Variants in ATP6V1A observed in about 807,000 individuals in gnomAD.
The protein encoded by ATP6V1A is ATPase H+ transporting V1 subunit A, also known as V-type proton ATPase catalytic subunit A.
ATP6V1A carries 18 observed loss-of-function variants against 70.1 expected under a neutral mutation model. The observed-to-expected ratio is 0.26, with a 90% CI of 0.18 to 0.38. The LOEUF (loss-of-function observed/expected upper bound fraction) is 0.38. ATP6V1A is among the 10% of genes least tolerant of loss of function. ATP6V1A has a pLI of 1.00. For missense variants in ATP6V1A, 424 were observed against 772.4 expected, an observed-to-expected ratio of 0.55 and a Z score of 5.35; for synonymous variants, 232 against 253.8, an observed-to-expected ratio of 0.91 and a Z score of 0.82.
At chr3:113,798,716 A>T (rs1450269358) in intron 12 of ATP6V1A, among the ~76,000 whole-genome samples, 2 of 152,190 alleles carry the variant, frequency 1.3e-5, no homozygotes, top group African/African-American at 2.4e-5. Context: ...ATTTGTTAGC[A>T]TACATTTTTG....
intron 1 of ATP6V1A, among the ~76,000 whole-genome samples, chr3:113,763,130 A>G (rs13091621): frequency 0.36 from 55,231 of 151,844 alleles, 10,112 homozygotes; most frequent in African/African-American, 0.41. Context: ...TCGCTCTGTC[A>G]CCTAGGCTGT....
At chr3:113,772,818 GA>G (rs1192449442) in intron 1 of ATP6V1A, among the ~76,000 whole-genome samples, 1 of 151,312 alleles carries the variant, frequency 6.6e-6, no homozygotes, top group Non-Finnish European at 1.5e-5. Context: ...GATGTGGTAA[GA>G]GCAGATTTCA....
intron 1 of ATP6V1A, among the ~76,000 whole-genome samples, chr3:113,764,426 C>G (rs539069447): frequency 6.6e-5 from 10 of 152,058 alleles, no homozygotes; most frequent in African/African-American, 1.9e-4. Context: ...TAATTTTATG[C>G]TAGTATTGAT....
chr3:113,772,087 A>G (rs1708847924), intron 1 of ATP6V1A, among the ~76,000 whole-genome samples: 1 of 152,196 alleles, frequency 6.6e-6, no homozygotes, highest in East Asian at 1.9e-4. Flanking sequence ...TCAGTTACCT[A>G]GTGGGAGAGA....
chr3:113,764,605 C>G (rs573875756), intron 1 of ATP6V1A, among the ~76,000 whole-genome samples: 31 of 152,214 alleles, frequency 2.0e-4, no homozygotes, highest in African/African-American at 7.2e-4. Context: ...TGGCTGTCTT[C>G]TTGGCTGTTT....
rs910535308 is a variant in ATP6V1A at position 113,794,933 on chromosome 3, T to G, written c.1050T>G (p.Ser350=). 6.2e-7 allele frequency: 1 copy of G among 1,614,128 alleles called. No homozygotes were observed. Among genetic ancestry groups the G allele is most frequent in the Non-Finnish European group, 8.5e-7 (1 of 1,179,968 alleles). ...MGYHVSMMAD[S]TSRWAEALRE... ...ATCATGTCAGTATGATGGCTGACTC[T>G]ACCTCTAGATGGGCTGAGGCCCTTA... The change falls in exon 9 of 15, where the codon TCT becomes TCG. Residue 350 remains serine, a synonymous_variant. Coordinates refer to ENST00000273398, the MANE Select transcript of ATP6V1A (RefSeq NM_001690.4).
chr3:113,788,490 T>C (rs1046189829), intron 6 of ATP6V1A, among the ~76,000 whole-genome samples: 1 of 151,220 alleles, frequency 6.6e-6, no homozygotes, highest in African/African-American at 2.4e-5. Flanking sequence ...ACCCACCACA[T>C]GCCCGGCTAA....
At chr3:113,807,906 G>T (rs1383390247) in intron 14 of ATP6V1A, among the ~76,000 whole-genome samples, 1 of 152,016 alleles carries the variant, frequency 6.6e-6, no homozygotes, top group Non-Finnish European at 1.5e-5. Flanking sequence ...GGCCGAGGCG[G>T]GTGGATCACC....
In ATP6V1A at chr3:113,765,354, C is replaced by T. The variant is rs147458702; in HGVS notation, c.-13-13387C>T. Among the ~76,000 whole-genome samples, 77 of 152,206 alleles carry T rather than the reference C, an allele frequency of 5.1e-4. 1 individual carries two copies. The East Asian group carries it at 0.014, about 28-fold the overall frequency. ...ATGGGGCCAGGCGTAGTGGCTCATC[C>T]AGCACTTTGGGAGGCCGACGCGGGC... On this transcript the variant is annotated intron_variant, in intron 1 of 14. Transcript: ENST00000273398.
intron 1 of ATP6V1A, among the ~76,000 whole-genome samples, chr3:113,751,978 A>T (rs185475863): frequency 1.7e-3 from 252 of 151,976 alleles, no homozygotes; most frequent in African/African-American, 5.8e-3. Context: ...AGAAGGAAAC[A>T]CTTTCTTATA....
intron 7 of ATP6V1A, 85 bp from the exon 8 acceptor site, chr3:113,789,647 A>T: frequency 1.0e-6 from 1 of 1,004,778 alleles, no homozygotes; most frequent in Non-Finnish European, 1.5e-6. Flanking sequence ...ATATGGGCAA[A>T]AGTTTAAAAA....
intron 1 of ATP6V1A, among the ~76,000 whole-genome samples, chr3:113,767,853 A>G (rs960537448): frequency 6.6e-6 from 1 of 152,162 alleles, no homozygotes; most frequent in South Asian, 2.1e-4. Flanking sequence ...GGGTTTCACC[A>G]TCTTGGCCAG....
At chr3:113,780,851 T>G (rs13068857) in intron 2 of ATP6V1A, 199 bp from the exon 3 acceptor site, 19,571 of 1,346,874 alleles carry the variant, frequency 0.015, 189 homozygotes, top group Non-Finnish European at 0.017. Flanking sequence ...ATAAATAATC[T>G]TTGGCTTACC....
intron 1 of ATP6V1A, among the ~76,000 whole-genome samples, chr3:113,776,461 C>T (rs1385998455): frequency 2.0e-5 from 3 of 152,224 alleles, no homozygotes; most frequent in Non-Finnish European, 4.4e-5. Context: ...ATCAGTTTCT[C>T]CTGTGCTCCC....
intron 12 of ATP6V1A, among the ~76,000 whole-genome samples, chr3:113,800,359 C>T (rs1577095586): frequency 6.6e-6 from 1 of 152,096 alleles, no homozygotes; most frequent in African/African-American, 2.4e-5. Context: ...AGCTTCTCCC[C>T]TATTGGATAA....
chr3:113,799,148 C>T lies in ATP6V1A; in HGVS notation c.1494+702C>T, dbSNP rs1709183611. Among the ~76,000 whole-genome samples, 3 of 152,028 alleles carry T rather than the reference C, an allele frequency of 2.0e-5. 1 individual carries two copies. The South Asian group carries it at 6.2e-4, about 32-fold the overall frequency. On this transcript the variant is annotated intron_variant, in intron 12 of 14. Transcript: ENST00000273398. Reference sequence around the variant, plus strand: ...CAATACAAGAAAGGAAAACTATAGGCTAATATTGTTGATGAATGTAGGTAT... The same window carrying T: ...CAATACAAGAAAGGAAAACTATAGGTTAATATTGTTGATGAATGTAGGTAT...
intron 1 of ATP6V1A, among the ~76,000 whole-genome samples, chr3:113,754,164 ACTTT>A (rs1559747477): frequency 2.0e-5 from 3 of 152,172 alleles, no homozygotes; most frequent in Non-Finnish European, 4.4e-5. Flanking sequence ...AAGATGATTT[ACTTT>A]CTTCCTTACA....
At chr3:113,784,903 C>T in intron 5 of ATP6V1A, 70 bp downstream of exon 5, 1 of 1,439,994 alleles carries the variant, frequency 6.9e-7, no homozygotes. Flanking sequence ...AGTTTTAGTG[C>T]CCTAAGTAAT....
chr3:113,803,688 T>G lies in ATP6V1A; in HGVS notation c.1589+11T>G. 1 of 1,568,042 alleles carries G rather than the reference T, an allele frequency of 6.4e-7. No individual in the cohort carries two copies. Among genetic ancestry groups the G allele is most frequent in the Non-Finnish European group, 8.7e-7 (1 of 1,148,412 alleles). On this transcript the variant is annotated intron_variant, in intron 13 of 14. Transcript: ENST00000273398. ...TACTCCTTATGACAGGTAAGCTATA[T>G]TGATTTCCTTTTTTTATTTGAGGAT...
Sources: gnomAD v4.1 joint callset for allele counts (sites outside exome capture counted in the v4.1 genomes callset) on GRCh38, gnomAD v4.1.1 for gene constraint, MANE v1.5 for transcripts, NCBI Gene and HGNC (gene_info 2026-07-23, HGNC 2026-07-21) for gene names.